GSE1: variants seen among roughly 807,000 people sequenced by gnomAD.
GSE1 encodes Gse1 coiled-coil protein, also known as genetic suppressor element 1.
GSE1 carries 32 observed loss-of-function variants against 112.6 expected under a neutral mutation model. The ratio of observed to expected loss-of-function variants is 0.28; its 90% CI spans 0.21 to 0.38. The LOEUF (loss-of-function observed/expected upper bound fraction) is 0.38. Among genes scored for constraint, GSE1 ranks in the 10% least tolerant of loss-of-function variants. The pLI is 1.00. For synonymous variants in GSE1, 1,115 were observed against 735.6 expected, an observed-to-expected ratio of 1.52 and a Z score of -8.35; for missense variants, 2,348 against 1,699.2, an observed-to-expected ratio of 1.38 and a Z score of -6.71.
At chr16:85,173,798 G>A (rs2074406640) in intron 1 of GSE1, among the ~76,000 whole-genome samples, 3 of 152,246 alleles carry the variant, frequency 2.0e-5, no homozygotes, top group Admixed American at 2.0e-4. Context: ...GGAGTGGACA[G>A]TAGTCTGGTG....
intron 2 of GSE1, among the ~76,000 whole-genome samples, chr16:85,380,866 G>C (rs11646032): frequency 0.09 from 13,729 of 152,240 alleles, 708 homozygotes; most frequent in African/African-American, 0.14. Flanking sequence ...TCTTTGGGGA[G>C]CTGTGAATTT....
intron 1 of GSE1, among the ~76,000 whole-genome samples, chr16:85,244,854 G>C (rs1358793626): frequency 3.3e-5 from 5 of 151,996 alleles, no homozygotes; most frequent in Non-Finnish European, 7.4e-5. Flanking sequence ...AGCCGTGCGT[G>C]ATGGCACATG....
intron 1 of GSE1, among the ~76,000 whole-genome samples, chr16:85,215,093 C>G (rs2075286801): frequency 6.6e-6 from 1 of 152,180 alleles, no homozygotes; most frequent in South Asian, 2.1e-4. Context: ...CTGACACAGG[C>G]TACACAGACA....
At chr16:85,575,070 C>T (rs1345684138) in intron 1 of GSE1, among the ~76,000 whole-genome samples, 3 of 142,260 alleles carry the variant, frequency 2.1e-5, no homozygotes, top group East Asian at 2.4e-4. Context: ...CGGCTTTTTA[C>T]GCTCCAGTTA....
At chr16:85,201,029 G>A (rs1309813614) in intron 1 of GSE1, among the ~76,000 whole-genome samples, 2 of 152,216 alleles carry the variant, frequency 1.3e-5, no homozygotes, top group African/African-American at 2.4e-5. Flanking sequence ...TTTTGTTTTC[G>A]TTGTGTGGAT....
intron 2 of GSE1, among the ~76,000 whole-genome samples, chr16:85,549,433 C>G (rs901266892): frequency 6.6e-6 from 1 of 152,196 alleles, no homozygotes; most frequent in African/African-American, 2.4e-5. Flanking sequence ...CCACCTCGGC[C>G]TCCCAAAGTG....
upstream of GSE1, among the ~76,000 whole-genome samples, chr16:85,554,084 G>C (rs550948953): frequency 1.3e-5 from 2 of 152,260 alleles, no homozygotes; most frequent in Non-Finnish European, 2.9e-5. Flanking sequence ...GTGCCACCGA[G>C]GGGCCCCTCA....
intron 7 of GSE1, 54 bp from the exon 8 acceptor site, chr16:85,657,223 G>A: frequency 8.1e-7 from 1 of 1,237,942 alleles, no homozygotes; most frequent in East Asian, 2.5e-5. Context: ...GACGGGGAGG[G>A]AGCATGCTGG....
intron 2 of GSE1, among the ~76,000 whole-genome samples, chr16:85,463,841 G>A (rs1217103475): frequency 6.6e-6 from 1 of 152,164 alleles, no homozygotes; most frequent in Non-Finnish European, 1.5e-5. Context: ...CCACAGGTGC[G>A]GGTGTGAAGC....
At chr16:85,248,056 G>C (rs1906051123) in intron 1 of GSE1, among the ~76,000 whole-genome samples, 1 of 152,236 alleles carries the variant, frequency 6.6e-6, no homozygotes, top group Non-Finnish European at 1.5e-5. Context: ...GGTGCCCCCA[G>C]CTCTGTCCAC....
chr16:85,444,396 T>C (rs1224892667), intron 2 of GSE1, among the ~76,000 whole-genome samples: 2 of 151,994 alleles, frequency 1.3e-5, no homozygotes, highest in Non-Finnish European at 2.9e-5. Context: ...TGGCAGGAAG[T>C]TCATAGGTGC....
At chr16:85,220,995 G>A (rs1272666892) in intron 1 of GSE1, among the ~76,000 whole-genome samples, 1 of 149,068 alleles carries the variant, frequency 6.7e-6, no homozygotes, top group African/African-American at 2.5e-5. Context: ...AAGGCACATG[G>A]GAGAACAGCC....
chr16:85,340,746 C>T (rs945929071), intron 1 of GSE1, among the ~76,000 whole-genome samples: 2 of 152,176 alleles, frequency 1.3e-5, no homozygotes, highest in African/African-American at 4.8e-5. Context: ...TGAACAGAGA[C>T]ACTTCCTGCA....
At chr16:85,487,441 A>G (rs931468668) in intron 2 of GSE1, among the ~76,000 whole-genome samples, 4 of 152,124 alleles carry the variant, frequency 2.6e-5, no homozygotes, top group Non-Finnish European at 5.9e-5. Context: ...CTACGTTCGC[A>G]CCTGGGCAGG....
At chr16:85,490,846 C>T (rs1332359079) in intron 2 of GSE1, 1 of 152,256 alleles carries the variant, frequency 6.6e-6, no homozygotes, top group African/African-American at 2.4e-5. Context: ...TATCCATTTC[C>T]AGGCTCAGTA....
At chr16:85,670,826 C>T (rs192086944) in intron 14 of GSE1, 169 bp from the exon 15 acceptor site, 8 of 516,376 alleles carry the variant, frequency 1.5e-5, no homozygotes, top group African/African-American at 4.0e-5. Flanking sequence ...ATGTATTTAT[C>T]GGTACAATTC....
upstream of GSE1, chr16:85,555,451 T>C: frequency 1.9e-5 from 19 of 984,142 alleles, no homozygotes; most frequent in South Asian, 4.7e-5. Context: ...CCCAGCCTGC[T>C]TTCTCCTGCC....
intron 2 of GSE1, among the ~76,000 whole-genome samples, chr16:85,508,000 C>T (rs1329415478): frequency 2.6e-5 from 4 of 152,094 alleles, no homozygotes; most frequent in Non-Finnish European, 5.9e-5. Context: ...GGCCCCCTGC[C>T]GAGGTGGCCA....
intron 2 of GSE1, among the ~76,000 whole-genome samples, chr16:85,489,415 A>G (rs942242769): frequency 8.5e-5 from 13 of 152,070 alleles, no homozygotes; most frequent in African/African-American, 3.1e-4. Context: ...TGGCTCCAGC[A>G]CCATCTGCCT....
Sources: allele counts gnomAD v4.1 joint callset (sites outside exome capture counted in the v4.1 genomes callset), GRCh38; gene constraint gnomAD v4.1.1; transcripts MANE v1.5; gene names NCBI Gene and HGNC (gene_info 2026-07-23, HGNC 2026-07-21).